PTPA: variants seen among roughly 807,000 people sequenced by gnomAD.
The protein encoded by PTPA is serine/threonine-protein phosphatase 2A activator.
PTPA carries 13 observed loss-of-function variants against 43.6 expected under a neutral mutation model. The ratio of observed to expected loss-of-function variants is 0.30; its 90% confidence interval spans 0.19 to 0.47. The LOEUF (loss-of-function observed/expected upper bound fraction) is 0.47. Ranked by LOEUF, PTPA falls within the 20% of genes least tolerant of loss-of-function variation. The probability of loss-of-function intolerance (pLI) is 0.99; values close to 1 mark genes in which losing one functional copy is unlikely to be tolerated. For synonymous variants in PTPA, 172 were observed against 158.2 expected (o/e 1.09, Z -0.66); for missense variants, 329 against 411.9 (o/e 0.80, Z 1.74).
At chr9:129,126,630 G>C (rs557910985) in intron 3 of PTPA, among the ~76,000 whole-genome samples, 20 of 152,210 alleles carry the variant, frequency 1.3e-4, no homozygotes, top group South Asian at 4.1e-4. Context: ...ATTCAAAAAT[G>C]GTCAGTAAAA....
At chr9:129,131,435 C>G (rs1849961105) in intron 4 of PTPA, 87 bp from the exon 5 acceptor site, 5 of 1,178,306 alleles carry the variant, frequency 4.2e-6, no homozygotes, top group Middle Eastern at 2.8e-4. Context: ...GCAGTGTGGG[C>G]CCCCAGTCAG....
chr9:129,137,180 T>C (rs1850427664), intron 7 of PTPA, among the ~76,000 whole-genome samples: 1 of 152,160 alleles, frequency 6.6e-6, no homozygotes. Context: ...AAATGACCAT[T>C]AGTTGTGGCC....
intron 1 of PTPA, chr9:129,119,117 GC>G (rs1273363860): frequency 1.7e-5 from 3 of 175,914 alleles, no homozygotes; most frequent in African/African-American, 7.2e-5. Flanking sequence ...TCCTGCTTCA[GC>G]CTCCCAAGTA....
chr9:129,143,306 G>C, intron 9 of PTPA: 1 of 703,010 alleles, frequency 1.4e-6, no homozygotes. Flanking sequence ...CCTTGGCCAG[G>C]GAAGGGCTGG....
chr9:129,128,536 C>CA (rs35647247), intron 3 of PTPA, among the ~76,000 whole-genome samples: 5,743 of 117,254 alleles, frequency 0.049, 288 homozygotes, highest in African/African-American at 0.14. Context: ...AACTCTGTCT[C>CA]AAAAAAAAAA....
intron 1 of PTPA, chr9:129,111,954 G>T (rs760850380): frequency 1.6e-4 from 70 of 425,848 alleles, no homozygotes; most frequent in Non-Finnish European, 2.4e-4. Flanking sequence ...GCGTGCTTAA[G>T]TAAGCTGCTG....
chr9:129,127,348 C>T (rs762515804), intron 3 of PTPA, among the ~76,000 whole-genome samples: 1 of 152,224 alleles, frequency 6.6e-6, no homozygotes, highest in Non-Finnish European at 1.5e-5. Context: ...TTGCACATGG[C>T]AGGCCTGGTC....
At chr9:129,144,425 T>TGG (rs1851140559) in intron 9 of PTPA, among the ~76,000 whole-genome samples, 1 of 152,084 alleles carries the variant, frequency 6.6e-6, no homozygotes, top group African/African-American at 2.4e-5. Context: ...AGGGTGACGC[T>TGG]GGAACTCCCT....
At chr9:129,122,949 A>G (rs1849344695) in intron 2 of PTPA, 103 bp from the exon 3 acceptor site, 2 of 839,994 alleles carry the variant, frequency 2.4e-6, no homozygotes, top group Non-Finnish European at 1.9e-6. Flanking sequence ...CAGGAGAAGT[A>G]GAAAGCTCGG....
rs1379799307 is a variant in PTPA, at chr9:129,147,844, T to G, written c.*380T>G. 1.8e-5 allele frequency: 4 copies of G among 218,518 alleles called. No homozygotes were observed. In the South Asian group the frequency reaches 1.9e-4, roughly 10 times the overall value. The allele number at this position is 218,518 out of a possible 1,614,324, so 13.5% of individuals were successfully genotyped here. A position where few individuals can be genotyped will look rare whatever the true frequency, so the allele number is the denominator to read the frequency against. On this transcript the variant is annotated 3_prime_UTR_variant, in exon 10 of 10. Transcript: ENST00000393370. The stretch of plus-strand genomic sequence containing the variant: ...GAAGGGAGGAGAGATACCTGCTGCT[T>G]CCATTGCTTTTCCCTTCCTGGAGTC...
chr9:129,136,653 C>T, intron 7 of PTPA, 58 bp downstream of exon 7: 1 of 1,515,806 alleles, frequency 6.6e-7, no homozygotes, highest in Non-Finnish European at 8.9e-7. Flanking sequence ...GTTCTGTGGC[C>T]CTCCCCTGCC....
rs541333977 is a variant in PTPA, at chr9:129,136,056, C to T, written c.561-415C>T. Among the ~76,000 whole-genome samples the T allele has an allele frequency of 2.6e-5, 4 of 152,140 alleles. No individual in the cohort carries two copies. In the South Asian group the frequency reaches 8.3e-4, roughly 32 times the overall value. ...GATCTCGGCTCACTGCAAGCTCTGC[C>T]TCCTGGGTTCATGCCATTCTCCTGC... is the stretch of plus-strand genomic sequence containing the variant. On this transcript the variant is annotated intron_variant, in intron 6 of 9. Transcript: ENST00000393370.
intron 4 of PTPA, among the ~76,000 whole-genome samples, chr9:129,130,345 C>T (rs1212849853): frequency 6.6e-6 from 1 of 151,898 alleles, no homozygotes; most frequent in Admixed American, 6.6e-5. Context: ...GACTCAGGAC[C>T]CAGTGAAGTG....
chr9:129,135,435 A>G (rs1850301141), intron 6 of PTPA, among the ~76,000 whole-genome samples: 1 of 152,214 alleles, frequency 6.6e-6, no homozygotes, highest in Admixed American at 6.5e-5. Context: ...CAGTATTGAC[A>G]CAGTGTTGAC....
chr9:129,115,106 A>C (rs1047597691), intron 1 of PTPA, among the ~76,000 whole-genome samples: 1 of 152,142 alleles, frequency 6.6e-6, no homozygotes, highest in Non-Finnish European at 1.5e-5. Flanking sequence ...GTCCCTTTGC[A>C]GAGAATGGTG....
chr9:129,131,422 A>C (rs752296546), intron 4 of PTPA, 100 bp from the exon 5 acceptor site: 13 of 1,007,310 alleles, frequency 1.3e-5, no homozygotes, highest in Non-Finnish European at 2.0e-5. Flanking sequence ...CTGGCCTGGC[A>C]AGGCAGTGTG....
At position 129,136,591 on chromosome 9, in the gene PTPA, G is replaced by T. The variant is rs374650004; in HGVS notation, c.681G>T (p.Leu227=). ...FLPFIWGSSQ[L]IDHPYLEPRH... ...CCTTCATCTGGGGCAGTTCGCAGCT[G>T]ATAGGTACTAGAGCGGGAGGTGCCT... The change falls in exon 7 of 10, where the codon CTG becomes CTT. Residue 227 remains leucine (L), a synonymous_variant. Coordinates refer to ENST00000393370, the MANE Select transcript of PTPA (RefSeq NM_178000.3). 77 of 1,612,764 alleles carry T rather than the reference G, an allele frequency of 4.8e-5. No homozygotes were observed. The highest frequency in any genetic ancestry group is 6.4e-5 in the Non-Finnish European group (75 of 1,179,346).
At chr9:129,145,331 GA>G (rs758902038) in intron 9 of PTPA, among the ~76,000 whole-genome samples, 6,060 of 133,146 alleles carry the variant, frequency 0.046, 356 homozygotes, top group African/African-American at 0.15. Context: ...TCCATCTCAG[GA>G]AAAAAAAAAA....
At chr9:129,138,775 G>A (rs549189351) in intron 8 of PTPA, among the ~76,000 whole-genome samples, 9 of 152,286 alleles carry the variant, frequency 5.9e-5, no homozygotes, top group Admixed American at 5.9e-4. Context: ...GTCAACATTC[G>A]GCTCAGGCTT....
Sources: allele counts gnomAD v4.1 joint callset (sites outside exome capture counted in the v4.1 genomes callset), GRCh38; gene constraint gnomAD v4.1.1; transcripts MANE v1.5; gene names NCBI Gene and HGNC (gene_info 2026-07-23, HGNC 2026-07-21).